Variants in CCDC57 observed in about 807,000 individuals in gnomAD.
CCDC57 encodes the protein coiled-coil domain containing 57, also known as coiled-coil domain-containing protein 57.
A neutral mutation model predicts 118.9 loss-of-function variants in CCDC57; 118 were observed. The observed-to-expected ratio is 0.99, with a 90% CI of 0.86 to 1.16. CCDC57 has a LOEUF of 1.16. Among genes scored for constraint, CCDC57 ranks in the 50% most tolerant of loss-of-function variants. The pLI is 0.00. For missense variants in CCDC57, 1,300 were observed against 1,320.7 expected (o/e 0.98, Z 0.24); for synonymous variants, 527 against 532.9 (o/e 0.99, Z 0.15).
In CCDC57 at chr17:82,172,848, G is replaced by T; in HGVS notation, c.1519C>A (p.Gln507Lys). 1 of 1,610,826 alleles carries T rather than the reference G, an allele frequency of 6.2e-7. No homozygotes were observed. Among genetic ancestry groups the T allele is most frequent in the Non-Finnish European group, 8.5e-7 (1 of 1,178,450 alleles). The change falls in exon 12 of 20, where the codon CAG (glutamine) becomes AAG (lysine). Residue 507 changes from glutamine to lysine, a missense_variant. Gln to Lys is a moderately conservative substitution (Grantham distance 53, BLOSUM62 1). Coordinates refer to ENST00000665763, the Ensembl canonical transcript of CCDC57. This position sits in a 1 kb window ranked among gnomAD's most constrained non-coding sequence, Gnocchi z 5.2. ...TCTTTACTTATTTCTTCTTCATGCT[G>T]CCTGAGAAGCATCTGTCAAATACAA...
At chr17:82,199,216 G>A (rs923977043) in intron 3 of CCDC57, among the ~76,000 whole-genome samples, 3 of 151,924 alleles carry the variant, frequency 2.0e-5, no homozygotes, top group South Asian at 2.1e-4. Flanking sequence ...GGTGGCTCAC[G>A]CCTGTAATTC....
intron 11 of CCDC57, among the ~76,000 whole-genome samples, chr17:82,174,221 T>C (rs986286069): frequency 2.0e-5 from 3 of 152,256 alleles, no homozygotes; most frequent in African/African-American, 7.2e-5. Context: ...GACTGCCCGC[T>C]GGCTCCTCCG....
chr17:82,184,031 G>GCGTGCGCGCGCGCACACACACACA, intron 8 of CCDC57, 99 bp from the exon 8 acceptor site: 1 of 125,852 alleles, frequency 7.9e-6, no homozygotes, highest in African/African-American at 4.3e-5. Context: ...GCGCGCGCGC[G>GCGTGCGCGCGCGCACACACACACA]CACACACACA....
chr17:82,126,461 A>G, intron 19 of CCDC57: 1 of 976,366 alleles, frequency 1.0e-6, no homozygotes, highest in South Asian at 4.7e-5. Flanking sequence ...ATGAGCTGCT[A>G]CAAATCAATA....
Position 82,184,023 on chromosome 17 carries a change from GCGCGCGCGCACACA to G in CCDC57, c.1053-105_1053-92del, listed in dbSNP as rs1378867465. ...CCCCCCAGCAAATACACATGCGCGC[GCGCGCGCGCACACA>G]CACACACACACACACACACACACAC... On this transcript the variant is annotated intron_variant, in intron 8 of 19. Transcript: ENST00000665763. The G allele has an allele frequency of 1.2e-3, 443 of 383,976 alleles. 5 individuals are homozygous for G. Among genetic ancestry groups the G allele is most frequent in the African/African-American group, 8.2e-3 (258 of 31,520 alleles). 23.8% of individuals were successfully genotyped at this position (383,976 alleles called of 1,614,324 possible). A position where few individuals can be genotyped will look rare whatever the true frequency, so the allele number is the denominator to read the frequency against.
intron 14 of CCDC57, among the ~76,000 whole-genome samples, chr17:82,158,843 C>G (rs2053538247): frequency 6.6e-6 from 1 of 151,222 alleles, no homozygotes; most frequent in Non-Finnish European, 1.5e-5. Context: ...CACGTGTGAG[C>G]CACCGCATCC....
chr17:82,169,560 G>T (rs527316008), intron 13 of CCDC57, among the ~76,000 whole-genome samples: 5 of 152,322 alleles, frequency 3.3e-5, no homozygotes, highest in East Asian at 3.9e-4. Context: ...CTCCAGCAGG[G>T]TGAAGGCATC....
In CCDC57 at chr17:82,101,839, C is replaced by T. The variant is rs770864420; in HGVS notation, c.2927G>A (p.Arg976Lys). ...GCCTGCCTGCATCTTGACGGGCCTC[C>T]TGTCGGCTGCTGGAGGAGCTGGGAG... The change falls in exon 20 of 20, where the codon AGG becomes AAG. Residue 976 changes from arginine (R) to lysine (K), a missense_variant. Physicochemically the swap from Arg to Lys is conservative, Grantham distance 26 (BLOSUM62 2). Transcript: ENST00000665763. 3.8e-6 allele frequency: 6 copies of T among 1,580,376 alleles called. No homozygotes were observed. In the East Asian group the frequency reaches 6.8e-5, roughly 18 times the overall value.
At chr17:82,146,231 T>A (rs1055985482) in intron 16 of CCDC57, among the ~76,000 whole-genome samples, 2 of 152,168 alleles carry the variant, frequency 1.3e-5, no homozygotes, top group African/African-American at 4.8e-5. Context: ...TGATGATATG[T>A]TTGTCACAGC....
rs1396541703 is a variant in CCDC57, at chr17:82,178,922, G to C, written c.1374+105C>G. ...CTCTAATTACTCAGTGAGGTTTAGT[G>C]TTTTCAAATTTAAAGAACCATTTGG... On this transcript the variant is annotated intron_variant, in intron 10 of 19. Transcript: ENST00000665763. 3.9e-6 allele frequency: 5 copies of C among 1,296,296 alleles called. No homozygotes were observed. The African/African-American group carries it at 7.4e-5, about 19-fold the overall frequency. 80.3% of individuals were successfully genotyped at this position (1,296,296 alleles called of 1,614,324 possible).
intron 5 of CCDC57, among the ~76,000 whole-genome samples, chr17:82,194,954 T>C (rs2048124050): frequency 6.6e-6 from 1 of 152,262 alleles, no homozygotes; most frequent in African/African-American, 2.4e-5. Flanking sequence ...GACTCAGCTC[T>C]TGCTTTTCCT....
At position 82,179,023 on chromosome 17, in the gene CCDC57, A is replaced by G. The variant is rs2045877345; in HGVS notation, c.1374+4T>C. 2.5e-6 allele frequency: 4 copies of G among 1,613,118 alleles called. No individual in the cohort carries two copies. Among genetic ancestry groups the G allele is most frequent in the Non-Finnish European group, 2.5e-6 (3 of 1,179,420 alleles). On this transcript the variant is annotated splice_donor_region_variant and intron_variant, in intron 10 of 19. Transcript: ENST00000665763. ...AGGCCCCAGGCCCTGGTGGCCGCAC[A>G]CACCTGACTTTTTGCCATGCTCAGA...
At chr17:82,174,159 A>G (rs2045151956) in intron 11 of CCDC57, among the ~76,000 whole-genome samples, 1 of 152,128 alleles carries the variant, frequency 6.6e-6, no homozygotes, top group Non-Finnish European at 1.5e-5. Flanking sequence ...CCTACTCTGC[A>G]CTCCATGAAC....
rs114988322 is a variant in CCDC57, at chr17:82,201,460, G to A, written c.407+78C>T. ...GGGCAGTGAGAGTGGGCAGTGCTCG[G>A]GCAGCACAGCGGAGCAGGAGGCATG... On this transcript the variant is annotated intron_variant, in intron 3 of 19. Coordinates refer to ENST00000665763, the Ensembl canonical transcript of CCDC57. 525 of 1,438,122 alleles carry A rather than the reference G, an allele frequency of 3.7e-4. 1 individual carries two copies. In the African/African-American group the frequency reaches 6.2e-3, roughly 17 times the overall value. The allele number at this position is 1,438,122 out of a possible 1,614,324, so 89.1% of individuals were successfully genotyped here.
At chr17:82,127,636 G>C in intron 19 of CCDC57, 56 bp downstream of exon 18, 1 of 1,534,052 alleles carries the variant, frequency 6.5e-7, no homozygotes, top group Middle Eastern at 1.7e-4. Context: ...CCTCGGAGAG[G>C]GTGGCCCTCG....
intron 14 of CCDC57, 131 bp downstream of exon 13, chr17:82,163,069 A>G (rs1331801137): frequency 1.7e-5 from 20 of 1,146,220 alleles, no homozygotes; most frequent in Non-Finnish European, 2.5e-5. Flanking sequence ...CCTCAGAAAA[A>G]AACAGGCAGA....
At chr17:82,133,047 C>A (rs1001310588) in intron 17 of CCDC57, among the ~76,000 whole-genome samples, 3 of 152,028 alleles carry the variant, frequency 2.0e-5, no homozygotes, top group African/African-American at 4.8e-5. Flanking sequence ...CGTGAGCCAC[C>A]GCACCTGGCC....
At chr17:82,165,990 T>C (rs1479219706) in intron 13 of CCDC57, among the ~76,000 whole-genome samples, 1 of 152,104 alleles carries the variant, frequency 6.6e-6, no homozygotes, top group South Asian at 2.1e-4. Context: ...ACACTCAAAA[T>C]GTCCATGATA....
At chr17:82,128,954 T>C (rs1475834406) in intron 17 of CCDC57, among the ~76,000 whole-genome samples, 1 of 151,926 alleles carries the variant, frequency 6.6e-6, no homozygotes, top group Non-Finnish European at 1.5e-5. Context: ...AGTCTTGCTC[T>C]GTCTCCCAGG....
Sources: gnomAD v4.1 joint callset for allele counts (sites outside exome capture counted in the v4.1 genomes callset) on GRCh38, gnomAD v4.1.1 for gene constraint, Gnocchi (gnomAD v3.1) non-coding constraint, MANE v1.5 for transcripts, NCBI Gene and HGNC (gene_info 2026-07-23, HGNC 2026-07-21) for gene names.